The following RRP15 variants were observed in gnomAD, a reference collection of about 807,000 sequenced individuals.
The protein encoded by RRP15 is ribosomal RNA processing 15 homolog, also known as RRP15-like protein.
Under a neutral mutation model 27.1 loss-of-function variants are expected in RRP15, and 18 were observed. The ratio of observed to expected loss-of-function variants is 0.66; its 90% confidence interval spans 0.46 to 0.98. The LOEUF is 0.98. RRP15 is among the 50% of genes least tolerant of loss of function. The probability of loss-of-function intolerance (pLI) is 0.00; values close to 1 mark genes in which losing one functional copy is unlikely to be tolerated. For missense variants in RRP15, 359 were observed against 337.8 expected, an observed-to-expected ratio of 1.06 and a Z score of -0.49; for synonymous variants, 107 against 109.4, an observed-to-expected ratio of 0.98 and a Z score of 0.14.
chr1:218,304,573 T>C (rs997460120), intron 2 of RRP15, among the ~76,000 whole-genome samples: 6 of 152,258 alleles, frequency 3.9e-5, no homozygotes, highest in Non-Finnish European at 8.8e-5. Context: ...CTGGATACGA[T>C]GCTGTTCTTT....
chr1:218,289,679 A>ATC (rs1017614522), intron 1 of RRP15, among the ~76,000 whole-genome samples: 3 of 151,622 alleles, frequency 2.0e-5, no homozygotes, highest in Non-Finnish European at 2.9e-5. Flanking sequence ...TCTTGCCCGC[A>ATC]TCTCTCTCTC....
intron 4 of RRP15, among the ~76,000 whole-genome samples, chr1:218,310,344 AT>A (rs150739262): frequency 0.033 from 5,021 of 152,220 alleles, 262 homozygotes; most frequent in African/African-American, 0.11. Flanking sequence ...TATAAACTAG[AT>A]TTCACTGGCA....
intron 2 of RRP15, among the ~76,000 whole-genome samples, chr1:218,303,473 A>G (rs1655845627): frequency 6.6e-6 from 1 of 152,198 alleles, no homozygotes; most frequent in African/African-American, 2.4e-5. Flanking sequence ...AGCATACTCT[A>G]TTATTAATTC....
intron 1 of RRP15, chr1:218,302,042 C>G (rs1655818218): frequency 2.5e-6 from 1 of 404,956 alleles, no homozygotes; most frequent in Non-Finnish European, 4.4e-6. Context: ...TTTGTTTCTG[C>G]TGCCTGGGTC....
intron 4 of RRP15, among the ~76,000 whole-genome samples, chr1:218,309,682 C>CAAAAAA (rs751452477): frequency 4.4e-5 from 1 of 22,506 alleles, no homozygotes; most frequent in Non-Finnish European, 1.3e-4. Flanking sequence ...GACTCCATCT[C>CAAAAAA]AAAAAAAAAA....
At chr1:218,330,866 AGTTT>A (rs1454346504) in intron 4 of RRP15, 78 bp from the exon 5 acceptor site, 1 of 1,241,892 alleles carries the variant, frequency 8.1e-7, no homozygotes, top group Non-Finnish European at 1.1e-6. Context: ...AGCATTGAAA[AGTTT>A]GTTTTGTAGC....
At position 218,336,291 on chromosome 1, in the gene RRP15, A is replaced by C. The variant is rs527606587; in HGVS notation, c.*5200A>C. ...ACACAAAACCCTGAAGAGCACAATG[A>C]GCATTATTAGCACAGCCAATTTAAA... is the stretch of plus-strand genomic sequence containing the variant. On this transcript the variant is annotated 3_prime_UTR_variant, in exon 5 of 5. Coordinates refer to ENST00000366932, the MANE Select transcript of RRP15 (RefSeq NM_016052.4). 6.5e-6 allele frequency: 1 copy of C among 152,738 alleles called. No individual in the cohort carries two copies. Among genetic ancestry groups the C allele is most frequent in the East Asian group, 1.9e-4 (1 of 5,186 alleles). The allele number at this position is 152,738 out of a possible 1,614,324, so 9.5% of individuals were successfully genotyped here. A position where few individuals can be genotyped will look rare whatever the true frequency, so the allele number is the denominator to read the frequency against.
rs1473580061 is a variant in RRP15 at position 218,331,112 on chromosome 1, T to A, written c.*21T>A. 4 of 1,594,188 alleles carry A rather than the reference T, an allele frequency of 2.5e-6. No homozygotes were observed. Among genetic ancestry groups the A allele is most frequent in the Non-Finnish European group, 2.6e-6 (3 of 1,169,816 alleles). On this transcript the variant is annotated 3_prime_UTR_variant, in exon 5 of 5. Transcript: ENST00000366932. ...CATAAAGCATCATAGGAAATACAAT[T>A]GCAGTCGTTTTATTTTTTCTAGAAA...
intron 1 of RRP15, among the ~76,000 whole-genome samples, chr1:218,287,141 TC>T (rs1655560809): frequency 2.7e-5 from 4 of 148,518 alleles, no homozygotes; most frequent in South Asian, 4.2e-4. Flanking sequence ...ATTTTTTTTT[TC>T]TTTTTTTTTT....
At chr1:218,288,253 G>A (rs17047578) in intron 1 of RRP15, among the ~76,000 whole-genome samples, 4,477 of 152,272 alleles carry the variant, frequency 0.029, 89 homozygotes, top group East Asian at 0.073. Context: ...CTAGGACACA[G>A]CAGTGAAGAC....
At chr1:218,324,672 G>T (rs1380311010) in intron 4 of RRP15, among the ~76,000 whole-genome samples, 3 of 152,196 alleles carry the variant, frequency 2.0e-5, no homozygotes, top group Non-Finnish European at 4.4e-5. Flanking sequence ...AGTAGGCAAA[G>T]ATTTAATTAT....
chr1:218,294,066 A>G (rs12239550), intron 1 of RRP15, among the ~76,000 whole-genome samples: 5,028 of 152,238 alleles, frequency 0.033, 267 homozygotes, highest in African/African-American at 0.11. Flanking sequence ...TTTGATCATA[A>G]TAAAATTGAA....
chr1:218,304,791 G>A (rs1362733218), intron 2 of RRP15, among the ~76,000 whole-genome samples: 2 of 152,138 alleles, frequency 1.3e-5, no homozygotes, highest in African/African-American at 4.8e-5. Flanking sequence ...CAGCTCTCCA[G>A]GCCCCTGCTG....
At chr1:218,318,125 C>T (rs186471312) in intron 4 of RRP15, among the ~76,000 whole-genome samples, 5 of 152,226 alleles carry the variant, frequency 3.3e-5, no homozygotes, top group East Asian at 1.9e-4. Flanking sequence ...AAGTTGTTAA[C>T]ACTTACTGTG....
At chr1:218,306,938 C>T (rs909446637) in intron 3 of RRP15, among the ~76,000 whole-genome samples, 3 of 152,292 alleles carry the variant, frequency 2.0e-5, no homozygotes, top group African/African-American at 7.2e-5. Flanking sequence ...TCACTAGCCA[C>T]ATGTGGCTTG....
intron 4 of RRP15, among the ~76,000 whole-genome samples, chr1:218,318,897 A>T (rs1372371041): frequency 6.6e-6 from 1 of 151,994 alleles, no homozygotes; most frequent in Non-Finnish European, 1.5e-5. Flanking sequence ...AAGTGACTTG[A>T]GGTTACAGAA....
Position 218,285,413 on chromosome 1 carries a change from T to A in RRP15, c.97T>A (p.Ser33Thr), listed in dbSNP as rs770850065. 1 of 1,613,970 alleles carries A rather than the reference T, an allele frequency of 6.2e-7. No individual in the cohort carries two copies. The highest frequency in any genetic ancestry group is 1.1e-5 in the South Asian group (1 of 91,050). Reference sequence around the variant, plus strand: ...GAAAATGGTAACTGGAGCCGTAGCGTCGGTGCTGGAAGACGAGGCCACAGA... The same window carrying A: ...GAAAATGGTAACTGGAGCCGTAGCGACGGTGCTGGAAGACGAGGCCACAGA... ...KMKMVTGAVA[S>T]VLEDEATDTS... Residue 33 changes from serine (S) to threonine (T), a missense_variant, in exon 1 of 5, where the codon TCG becomes ACG. Coordinates refer to ENST00000366932, the MANE Select transcript of RRP15 (RefSeq NM_016052.4).
intron 4 of RRP15, among the ~76,000 whole-genome samples, chr1:218,327,646 C>G (rs1414671467): frequency 6.6e-6 from 1 of 152,116 alleles, no homozygotes; most frequent in African/African-American, 2.4e-5. Flanking sequence ...CAGATGCCAT[C>G]TAACATACCT....
intron 1 of RRP15, among the ~76,000 whole-genome samples, chr1:218,292,800 A>G (rs577574245): frequency 1.1e-3 from 175 of 152,220 alleles, no homozygotes; most frequent in Middle Eastern, 3.4e-3. Flanking sequence ...ATTCTGAACT[A>G]GTTTCTGGAA....
Sources: allele counts gnomAD v4.1 joint callset (sites outside exome capture counted in the v4.1 genomes callset), GRCh38; gene constraint gnomAD v4.1.1; transcripts MANE v1.5; gene names NCBI Gene and HGNC (gene_info 2026-07-23, HGNC 2026-07-21).